The following SH3RF3 variants were observed in gnomAD, a reference collection of about 807,000 sequenced individuals.
SH3RF3 encodes SH3 domain containing ring finger 3, also known as E3 ubiquitin-protein ligase SH3RF3.
Under a neutral mutation model 66.3 loss-of-function variants are expected in SH3RF3, and 29 were observed. The observed-to-expected ratio is 0.44, with a 90% CI of 0.33 to 0.60. The LOEUF (loss-of-function observed/expected upper bound fraction) is 0.60. SH3RF3 is among the 20% of genes least tolerant of loss of function. SH3RF3 has a pLI of 0.04. For synonymous variants in SH3RF3, 583 were observed against 532.0 expected, an observed-to-expected ratio of 1.10 and a Z score of -1.32; for missense variants, 1,194 against 1,190.9, an observed-to-expected ratio of 1.00 and a Z score of -0.04.
intron 4 of SH3RF3, among the ~76,000 whole-genome samples, chr2:109,411,519 A>G (rs557653269): frequency 1.3e-5 from 2 of 152,282 alleles, no homozygotes; most frequent in African/African-American, 4.8e-5. Flanking sequence ...GCTCGTTTGC[A>G]TCCGTAGCAA....
At chr2:109,492,711 C>T (rs1679161656) in intron 9 of SH3RF3, among the ~76,000 whole-genome samples, 1 of 152,286 alleles carries the variant, frequency 6.6e-6, no homozygotes, top group South Asian at 2.1e-4. Context: ...AGAGATTCAG[C>T]TGAGGACTTT....
At chr2:109,315,985 G>A (rs1681869919) in intron 1 of SH3RF3, among the ~76,000 whole-genome samples, 1 of 152,206 alleles carries the variant, frequency 6.6e-6, no homozygotes, top group African/African-American at 2.4e-5. Flanking sequence ...TGGTCTGACT[G>A]TGTGAGATTA....
intron 1 of SH3RF3, among the ~76,000 whole-genome samples, chr2:109,173,883 T>C (rs1677858736): frequency 6.6e-6 from 1 of 152,236 alleles, no homozygotes; most frequent in Non-Finnish European, 1.5e-5. Context: ...TTGCTTCATC[T>C]GGAATGTTCT....
chr2:109,193,849 G>A (rs982008667), intron 1 of SH3RF3, among the ~76,000 whole-genome samples: 3 of 152,180 alleles, frequency 2.0e-5, no homozygotes, highest in African/African-American at 7.2e-5. Context: ...GTCTCGTCTA[G>A]CCCCGGGGAT....
intron 3 of SH3RF3, among the ~76,000 whole-genome samples, chr2:109,385,459 C>T (rs1238542419): frequency 6.6e-6 from 1 of 152,172 alleles, no homozygotes; most frequent in Non-Finnish European, 1.5e-5. Context: ...TTTGATGCTG[C>T]AATATGAATA....
chr2:109,498,652 A>T (rs190207297), intron 9 of SH3RF3, among the ~76,000 whole-genome samples: 7 of 152,088 alleles, frequency 4.6e-5, no homozygotes, highest in South Asian at 4.1e-4. Context: ...CATTCCCCCT[A>T]AGTAGTATCA....
intron 1 of SH3RF3, among the ~76,000 whole-genome samples, chr2:109,254,150 A>G (rs1680163100): frequency 6.6e-6 from 1 of 152,176 alleles, no homozygotes; most frequent in South Asian, 2.1e-4. Context: ...AAGGACTCTT[A>G]GAGGAAAACA....
chr2:109,379,708 A>G (rs1683469082), intron 3 of SH3RF3, among the ~76,000 whole-genome samples: 1 of 152,204 alleles, frequency 6.6e-6, no homozygotes, highest in Non-Finnish European at 1.5e-5. Context: ...TGTGGATGCC[A>G]ATCCTGCTTG....
intron 5 of SH3RF3, among the ~76,000 whole-genome samples, chr2:109,426,358 A>G (rs763914541): frequency 7.9e-5 from 12 of 152,242 alleles, no homozygotes; most frequent in African/African-American, 1.2e-4. Flanking sequence ...CAAAATATCA[A>G]CATTAACAGG....
At chr2:109,256,566 A>G (rs541022896) in intron 1 of SH3RF3, among the ~76,000 whole-genome samples, 1 of 152,332 alleles carries the variant, frequency 6.6e-6, no homozygotes, top group African/African-American at 2.4e-5. Context: ...TAAAGGGCAC[A>G]GAAGCCCTTT....
chr2:109,302,343 C>G (rs913295836), intron 1 of SH3RF3, among the ~76,000 whole-genome samples: 1 of 152,228 alleles, frequency 6.6e-6, no homozygotes, highest in Non-Finnish European at 1.5e-5. Context: ...GAAAGTTAGG[C>G]TGCAGGAACA....
intron 8 of SH3RF3, among the ~76,000 whole-genome samples, chr2:109,484,726 T>C (rs1164318213): frequency 6.6e-6 from 1 of 152,104 alleles, no homozygotes; most frequent in African/African-American, 2.4e-5. Flanking sequence ...GAAAAGGGTA[T>C]AACAAAACTG....
chr2:109,297,471 G>A (rs1266428483), intron 1 of SH3RF3, among the ~76,000 whole-genome samples: 1 of 151,994 alleles, frequency 6.6e-6, no homozygotes, highest in Non-Finnish European at 1.5e-5. Flanking sequence ...AGGGGTGCCT[G>A]GTGTGGGTCA....
At chr2:109,276,297 G>A (rs1387940242) in intron 1 of SH3RF3, among the ~76,000 whole-genome samples, 3 of 152,210 alleles carry the variant, frequency 2.0e-5, no homozygotes, top group African/African-American at 7.2e-5. Flanking sequence ...AAAGGGTCAC[G>A]ATTAGATGGA....
Position 109,398,766 on chromosome 2 carries a change from GA to G in SH3RF3, c.1124del (p.Asn375ThrfsTer13). 6.2e-7 allele frequency: 1 copy of G among 1,613,684 alleles called. No homozygotes were observed. The highest frequency in any genetic ancestry group is 2.2e-5 in the East Asian group (1 of 44,862). On this transcript the variant is annotated frameshift_variant, in exon 4 of 10. Transcript: ENST00000309415. LOFTEE classifies it high-confidence loss of function. ...AFQRRVDGKK[N>X]TKKRHSFTAL... is the part of the protein sequence containing the mutation. ...TTCAGCGGCGTGTGGATGGCAAGAAGAACACCAAGAAACGCCACTCCTTCAC... is the reference window on the plus strand; with the variant it reads ...TTCAGCGGCGTGTGGATGGCAAGAAGACACCAAGAAACGCCACTCCTTCAC...
At chr2:109,270,087 A>T (rs1037917443) in intron 1 of SH3RF3, among the ~76,000 whole-genome samples, 1 of 152,214 alleles carries the variant, frequency 6.6e-6, no homozygotes, top group African/African-American at 2.4e-5. Context: ...GCCGTGGGGC[A>T]GGGGCACCAG....
At chr2:109,414,635 T>G (rs543524062) in intron 4 of SH3RF3, among the ~76,000 whole-genome samples, 1 of 152,308 alleles carries the variant, frequency 6.6e-6, no homozygotes, top group South Asian at 2.1e-4. Context: ...ACCCCAGATC[T>G]GCTGCCCAGG....
intron 7 of SH3RF3, among the ~76,000 whole-genome samples, chr2:109,445,397 G>A (rs1190440822): frequency 6.6e-6 from 1 of 152,114 alleles, no homozygotes; most frequent in Non-Finnish European, 1.5e-5. Flanking sequence ...TAAACTTAAA[G>A]CATCAAAGGA....
chr2:109,376,139 C>T (rs943762376), intron 3 of SH3RF3, among the ~76,000 whole-genome samples: 1 of 152,238 alleles, frequency 6.6e-6, no homozygotes, highest in Non-Finnish European at 1.5e-5. Context: ...AAAGCTGCTC[C>T]TCGGTCCATT....
Sources: allele counts gnomAD v4.1 joint callset (sites outside exome capture counted in the v4.1 genomes callset), GRCh38; gene constraint gnomAD v4.1.1; transcripts MANE v1.5; gene names NCBI Gene and HGNC (gene_info 2026-07-23, HGNC 2026-07-21).